Variants in TEX264 observed in about 807,000 individuals in gnomAD.
TEX264 encodes testis-expressed protein 264.
In TEX264, 13 loss-of-function variants were observed where a neutral mutation model predicts 23.4. The observed-to-expected ratio is 0.56, with a 90% CI of 0.36 to 0.88. The LOEUF is 0.88. Ranked by LOEUF, TEX264 falls within the 40% of genes least tolerant of loss-of-function variation. TEX264 has a pLI of 0.01. For missense variants in TEX264, 340 were observed against 406.8 expected, an observed-to-expected ratio of 0.84 and a Z score of 1.41; for synonymous variants, 159 against 170.0, an observed-to-expected ratio of 0.94 and a Z score of 0.50.
At chr3:51,693,994 C>G (rs1032199056) in intron 3 of TEX264, among the ~76,000 whole-genome samples, 7 of 15,694 alleles carry the variant, frequency 4.5e-4, no homozygotes, top group African/African-American at 2.1e-3. Flanking sequence ...TTCTTTCCTT[C>G]CTTCCTTCCT....
intron 4 of TEX264, among the ~76,000 whole-genome samples, chr3:51,702,990 T>C (rs1018094324): frequency 6.6e-6 from 1 of 152,148 alleles, no homozygotes; most frequent in African/African-American, 2.4e-5. Flanking sequence ...GCACCAGTCA[T>C]TGGGGGTGGG....
chr3:51,674,149 C>G (rs1702149598), intron 1 of TEX264, 122 bp from the exon 2 acceptor site: 1 of 983,064 alleles, frequency 1.0e-6, no homozygotes, highest in Non-Finnish European at 1.5e-6. Context: ...TGGCCCCTCC[C>G]CTTTCTGGGT....
chr3:51,682,782 C>G (rs560475452), intron 2 of TEX264: 1 of 152,380 alleles, frequency 6.6e-6, no homozygotes, highest in South Asian at 2.1e-4. Flanking sequence ...TACTAAAGCT[C>G]TGAGCCAGGT....
Sources: allele counts gnomAD v4.1 joint callset (sites outside exome capture counted in the v4.1 genomes callset), GRCh38; gene constraint gnomAD v4.1.1; transcripts MANE v1.5; gene names NCBI Gene and HGNC (gene_info 2026-07-23, HGNC 2026-07-21).